Variants in MITF observed in about 807,000 individuals in gnomAD.
MITF encodes microphthalmia-associated transcription factor.
A neutral mutation model predicts 60.5 loss-of-function variants in MITF; 17 were observed. The ratio of observed to expected loss-of-function variants is 0.28; its 90% CI spans 0.19 to 0.42. MITF has a LOEUF of 0.42. Among genes scored for constraint, MITF ranks in the 10% least tolerant of loss-of-function variants. MITF has a pLI of 1.00. For missense variants in MITF, 622 were observed against 683.5 expected (o/e 0.91, Z 1.00); for synonymous variants, 260 against 248.5 (o/e 1.05, Z -0.43).
chr3:69,809,455 G>T (rs774287431), intron 1 of MITF, among the ~76,000 whole-genome samples: 1 of 152,130 alleles, frequency 6.6e-6, no homozygotes, highest in Non-Finnish European at 1.5e-5. Flanking sequence ...ATTCCCAGAT[G>T]CTTTATCTAT....
At chr3:69,882,400 C>T (rs904063675) in intron 2 of MITF, among the ~76,000 whole-genome samples, 1 of 152,058 alleles carries the variant, frequency 6.6e-6, no homozygotes, top group African/African-American at 2.4e-5. Flanking sequence ...TATATATTTA[C>T]ATAGTAAAGA....
intron 2 of MITF, among the ~76,000 whole-genome samples, chr3:69,937,490 C>A (rs1246100310): frequency 6.6e-6 from 1 of 151,754 alleles, no homozygotes; most frequent in African/African-American, 2.4e-5. Context: ...TCTTAATAAA[C>A]CCTTTCATGT....
intron 1 of MITF, among the ~76,000 whole-genome samples, chr3:69,823,060 G>A (rs900476552): frequency 1.3e-5 from 2 of 152,030 alleles, no homozygotes; most frequent in South Asian, 2.1e-4. Context: ...GGTATTTTTA[G>A]TAAAGATGGG....
chr3:69,846,816 C>CAAAAAA (rs375853591), intron 1 of MITF, among the ~76,000 whole-genome samples: 1 of 100,282 alleles, frequency 1.0e-5, no homozygotes, highest in Non-Finnish European at 1.9e-5. Context: ...GACTCTTTCT[C>CAAAAAA]AAAAAAAAAA....
At chr3:69,953,400 G>T (rs934252372) in intron 7 of MITF, among the ~76,000 whole-genome samples, 7 of 151,972 alleles carry the variant, frequency 4.6e-5, no homozygotes, top group South Asian at 4.2e-4. Flanking sequence ...AACTCTGAAG[G>T]CTATGAAGCA....
intron 1 of MITF, among the ~76,000 whole-genome samples, chr3:69,809,615 G>T (rs2063068437): frequency 6.7e-6 from 1 of 149,672 alleles, no homozygotes; most frequent in East Asian, 2.0e-4. Flanking sequence ...AAACATCAAT[G>T]AACTAAGTAC....
intron 1 of MITF, among the ~76,000 whole-genome samples, chr3:69,792,973 T>C (rs1027733378): frequency 6.6e-6 from 1 of 151,046 alleles, no homozygotes; most frequent in Non-Finnish European, 1.5e-5. Context: ...AAATTTTTTC[T>C]TGTTTTATGG....
At chr3:69,879,065 AC>A (rs777528345) in intron 1 of MITF, 68 bp from the exon 2 acceptor site, 7 of 1,269,224 alleles carry the variant, frequency 5.5e-6, no homozygotes, top group Non-Finnish European at 8.1e-6. Context: ...AATTTAGGAT[AC>A]CCCCAAAGTG....
intron 1 of MITF, among the ~76,000 whole-genome samples, chr3:69,777,231 C>G (rs189294328): frequency 6.6e-6 from 1 of 152,246 alleles, no homozygotes; most frequent in Admixed American, 6.5e-5. Context: ...AAGTCTATTT[C>G]CTATCTTAAC....
chr3:69,887,723 A>G (rs1300432089), intron 2 of MITF, among the ~76,000 whole-genome samples: 2 of 152,034 alleles, frequency 1.3e-5, no homozygotes, highest in African/African-American at 4.8e-5. Context: ...GTATAGGTGA[A>G]TCTATACCAT....
chr3:69,934,794 T>A (rs1485199527), intron 2 of MITF, among the ~76,000 whole-genome samples: 1 of 152,206 alleles, frequency 6.6e-6, no homozygotes, highest in Non-Finnish European at 1.5e-5. Context: ...TCCAAGGGAA[T>A]GTAAATATGA....
At chr3:69,819,954 A>T (rs2063241984) in intron 1 of MITF, among the ~76,000 whole-genome samples, 1 of 152,056 alleles carries the variant, frequency 6.6e-6, no homozygotes, top group Non-Finnish European at 1.5e-5. Context: ...GACAAGTGAG[A>T]CTCTGTCTCA....
At chr3:69,901,713 A>T (rs1396212758) in intron 2 of MITF, among the ~76,000 whole-genome samples, 3 of 152,314 alleles carry the variant, frequency 2.0e-5, no homozygotes, top group African/African-American at 7.2e-5. Flanking sequence ...AATATGGCGA[A>T]TTCTGAAAGC....
intron 1 of MITF, among the ~76,000 whole-genome samples, chr3:69,781,538 T>C (rs1364776740): frequency 6.6e-6 from 1 of 152,164 alleles, no homozygotes; most frequent in Non-Finnish European, 1.5e-5. Context: ...ATAGATCTCA[T>C]GCCTATGAAG....
intron 1 of MITF, among the ~76,000 whole-genome samples, chr3:69,742,471 G>T (rs553943244): frequency 6.6e-6 from 1 of 152,268 alleles, no homozygotes; most frequent in East Asian, 1.9e-4. Flanking sequence ...AAAATTCAAG[G>T]TTCTTAAGAT....
intron 2 of MITF, among the ~76,000 whole-genome samples, chr3:69,912,658 A>T (rs2065249560): frequency 6.6e-6 from 1 of 152,232 alleles, no homozygotes; most frequent in South Asian, 2.1e-4. Context: ...CACACACAGA[A>T]ATTGTTAGAA....
At chr3:69,828,989 C>A (rs1331640109) in intron 1 of MITF, among the ~76,000 whole-genome samples, 1 of 151,846 alleles carries the variant, frequency 6.6e-6, no homozygotes, top group Admixed American at 6.6e-5. Context: ...ATTCATGCCA[C>A]TCAAAGTGTG....
At chr3:69,774,189 A>G (rs1484500554) in intron 1 of MITF, among the ~76,000 whole-genome samples, 1 of 152,172 alleles carries the variant, frequency 6.6e-6, no homozygotes, top group African/African-American at 2.4e-5. Context: ...CACACATGCT[A>G]GGAGGTGCCA....
intron 2 of MITF, among the ~76,000 whole-genome samples, chr3:69,921,552 T>C (rs1458046622): frequency 6.6e-6 from 1 of 152,206 alleles, no homozygotes; most frequent in African/African-American, 2.4e-5. Context: ...CTCAAATCAG[T>C]ATGAATTCTT....
Sources: allele counts gnomAD v4.1 joint callset (sites outside exome capture counted in the v4.1 genomes callset), GRCh38; gene constraint gnomAD v4.1.1; transcripts MANE v1.5; gene names NCBI Gene and HGNC (gene_info 2026-07-23, HGNC 2026-07-21).